KHK: variants seen among roughly 807,000 people sequenced by gnomAD.
KHK encodes the protein ketohexokinase.
Under a neutral mutation model 36.0 loss-of-function variants are expected in KHK, and 37 were observed. The ratio of observed to expected loss-of-function variants is 1.03; its 90% CI spans 0.79 to 1.35. The LOEUF (loss-of-function observed/expected upper bound fraction) is 1.35, where lower values mean the gene tolerates loss of function less well. Among genes scored for constraint, KHK ranks in the 40% most tolerant of loss-of-function variants. The probability of loss-of-function intolerance (pLI) is 0.00; values close to 1 mark genes in which losing one functional copy is unlikely to be tolerated. For missense variants in KHK, 395 were observed against 391.9 expected (o/e 1.01, Z -0.07); for synonymous variants, 161 against 162.8 (o/e 0.99, Z 0.08).
intron 4 of KHK, 123 bp from the exon 5 acceptor site, chr2:27,097,380 G>T: frequency 1.6e-6 from 2 of 1,239,598 alleles, no homozygotes. Context: ...TTTAGGATGG[G>T]GTTCTAGCCC....
At position 27,087,026 on chromosome 2, in the gene KHK, C is replaced by T. The variant is rs1669697895; in HGVS notation, c.-234C>T. On this transcript the variant is annotated 5_prime_UTR_variant, in exon 1 of 8. Coordinates refer to ENST00000260598, the MANE Select transcript of KHK (RefSeq NM_006488.3). Reference sequence around the variant, plus strand: ...GCTACGGGAAGACCGGGGACCAAGACCTCTGGGTTGGCTTTCCTAGACCCG... The same window carrying T: ...GCTACGGGAAGACCGGGGACCAAGATCTCTGGGTTGGCTTTCCTAGACCCG... 1 of 465,426 alleles carries T rather than the reference C, an allele frequency of 2.1e-6. No homozygotes were observed. The highest frequency in any genetic ancestry group is 3.5e-5 in the Admixed American group (1 of 28,246). 28.8% of individuals were successfully genotyped at this position (465,426 alleles called of 1,614,324 possible). A position where few individuals can be genotyped will look rare whatever the true frequency, so the allele number is the denominator to read the frequency against.
At position 27,100,053 on chromosome 2, in the gene KHK, C is replaced by A; in HGVS notation, c.*303C>A. ...CGATCCTCCCTCTTTGTGTCCATTCCCCAAATTAACCTCTCCGCCCAGGCC... is the reference window on the plus strand; with the variant it reads ...CGATCCTCCCTCTTTGTGTCCATTCACCAAATTAACCTCTCCGCCCAGGCC... On this transcript the variant is annotated 3_prime_UTR_variant, in exon 8 of 8. Transcript: ENST00000260598. 2 of 629,492 alleles carry A rather than the reference C, an allele frequency of 3.2e-6. No homozygotes were observed. Among genetic ancestry groups the A allele is most frequent in the East Asian group, 2.7e-5 (1 of 36,426 alleles). 39.0% of individuals were successfully genotyped at this position (629,492 alleles called of 1,614,324 possible).
chr2:27,090,700 G>T lies in KHK; in HGVS notation c.93-1632G>T, dbSNP rs191149469. Among the ~76,000 whole-genome samples the T allele has an allele frequency of 6.6e-5, 10 of 151,516 alleles. 1 individual carries two copies. Among genetic ancestry groups the T allele is most frequent in the African/African-American group, 1.7e-4 (7 of 41,432 alleles). On this transcript the variant is annotated intron_variant, in intron 1 of 7. Transcript: ENST00000260598. Reference sequence around the variant, plus strand: ...GAACTCCTGACCTCGTGATCCACCCGCCTCAGCCTCCCAAAGTGCTGAGAT... The same window carrying T: ...GAACTCCTGACCTCGTGATCCACCCTCCTCAGCCTCCCAAAGTGCTGAGAT...
In KHK at chr2:27,087,032, GGTT is replaced by G; in HGVS notation, c.-226_-224del. ...GGAAGACCGGGGACCAAGACCTCTG[GGTT>G]GGCTTTCCTAGACCCGCTCGGGTCT... On this transcript the variant is annotated 5_prime_UTR_variant, in exon 1 of 8. Coordinates refer to ENST00000260598, the MANE Select transcript of KHK (RefSeq NM_006488.3). The G allele has an allele frequency of 2.1e-6, 1 of 473,482 alleles. No homozygotes were observed. The highest frequency in any genetic ancestry group is 3.8e-6 in the Non-Finnish European group (1 of 262,546). 29.3% of individuals were successfully genotyped at this position (473,482 alleles called of 1,614,324 possible).
intron 1 of KHK, among the ~76,000 whole-genome samples, chr2:27,091,183 C>T (rs935382934): frequency 1.1e-4 from 17 of 152,396 alleles, no homozygotes; most frequent in Admixed American, 2.6e-4. Context: ...CGGGCTCATA[C>T]GCTCCCCCAA....
intron 2 of KHK, chr2:27,094,476 G>C: frequency 6.2e-7 from 1 of 1,613,420 alleles, no homozygotes; most frequent in African/African-American, 1.3e-5. Flanking sequence ...CGCCCTAGCA[G>C]TTTTGTCCTG....
intron 1 of KHK, among the ~76,000 whole-genome samples, chr2:27,090,452 C>CTTTTTTTTTTT (rs559420015): frequency 9.8e-4 from 108 of 110,094 alleles, no homozygotes; most frequent in Admixed American, 1.2e-3. Flanking sequence ...TTTTTTCTTT[C>CTTTTTTTTTTT]TTTTTTTTTT....
Position 27,100,688 on chromosome 2 carries a change from C to G in KHK, c.*938C>G, listed in dbSNP as rs1310289302. ...AATTTCTTCATCTGTCAAATGGAAC[C>G]AATTCTGCTTGGCTACAGAATTATT... is the stretch of plus-strand genomic sequence containing the variant. On this transcript the variant is annotated 3_prime_UTR_variant, in exon 8 of 8. Transcript: ENST00000260598. The G allele has an allele frequency of 1.8e-6, 2 of 1,086,358 alleles. No individual in the cohort carries two copies. Among genetic ancestry groups the G allele is most frequent in the East Asian group, 6.0e-5 (1 of 16,650 alleles). 67.3% of individuals were successfully genotyped at this position (1,086,358 alleles called of 1,614,324 possible).
Position 27,087,187 on chromosome 2 carries a change from C to G in KHK, c.-73C>G. On this transcript the variant is annotated 5_prime_UTR_variant, in exon 1 of 8. It adds an upstream start codon to the 5' untranslated region. Transcript: ENST00000260598. ...GGGCAGCTGGGAGCGGGGACACCAT[C>G]CTCCTGGATAAGAGGCAGAGGCCGG... The G allele has an allele frequency of 1.5e-6, 2 of 1,304,168 alleles. No individual in the cohort carries two copies. The highest frequency in any genetic ancestry group is 1.5e-5 in the African/African-American group (1 of 68,342). 80.8% of individuals were successfully genotyped at this position (1,304,168 alleles called of 1,614,324 possible). A position where few individuals can be genotyped will look rare whatever the true frequency, so the allele number is the denominator to read the frequency against.
chr2:27,096,569 A>T (rs1303060897), intron 3 of KHK, among the ~76,000 whole-genome samples, 160 bp from the exon 4 acceptor site: 1 of 152,204 alleles, frequency 6.6e-6, no homozygotes, highest in Non-Finnish European at 1.5e-5. Flanking sequence ...TAACAGGGAC[A>T]ACCCTGGAGC....
At chr2:27,091,489 T>C (rs1330911899) in intron 1 of KHK, among the ~76,000 whole-genome samples, 5 of 152,250 alleles carry the variant, frequency 3.3e-5, no homozygotes, top group African/African-American at 1.2e-4. Flanking sequence ...TTCGGTTTTT[T>C]CTCTTAATTC....
rs773283064 is a variant in KHK, at chr2:27,087,299, C to G, written c.40C>G (p.Leu14Val). The stretch of plus-strand genomic sequence containing the variant: ...GATCCTGTGCGTGGGGCTAGTGGTG[C>G]TGGACGTCATCAGCCTGGTGGACAA... ...KQILCVGLVVLDVISLVDKYP... is the reference protein window; with the variant it reads ...KQILCVGLVVVDVISLVDKYP... Residue 14 changes from leucine to valine, a missense_variant, in exon 1 of 8, where the codon CTG becomes GTG. By Grantham distance (32) the Leu-to-Val change is conservative (BLOSUM62 1). Transcript: ENST00000260598. The G allele has an allele frequency of 6.9e-6, 11 of 1,601,498 alleles. No individual in the cohort carries two copies. The highest frequency in any genetic ancestry group is 8.5e-6 in the Non-Finnish European group (10 of 1,173,750).
At chr2:27,095,758 C>T (rs1670296113) in intron 3 of KHK, among the ~76,000 whole-genome samples, 1 of 152,236 alleles carries the variant, frequency 6.6e-6, no homozygotes, top group Non-Finnish European at 1.5e-5. Context: ...GACTGCCGGA[C>T]CTGGAGGAGG....
At position 27,097,653 on chromosome 2, in the gene KHK, G is replaced by A. The variant is rs1670453129; in HGVS notation, c.564+4G>A. On this transcript the variant is annotated splice_donor_region_variant and intron_variant, in intron 5 of 7. Transcript: ENST00000260598. ...GCTGTTTGGCTACGGAGACGTGGTG[G>A]GTGCCCCATTCAGCCTCTCTTTGCC... The A allele has an allele frequency of 6.2e-7, 1 of 1,613,890 alleles. No homozygotes were observed. The highest frequency in any genetic ancestry group is 1.3e-5 in the African/African-American group (1 of 74,922).
Position 27,100,569 on chromosome 2 carries a change from A to G in KHK, c.*819A>G. The G allele has an allele frequency of 7.8e-7, 1 of 1,286,474 alleles. No individual in the cohort carries two copies. The highest frequency in any genetic ancestry group is 1.0e-6 in the Non-Finnish European group (1 of 984,886). The allele number at this position is 1,286,474 out of a possible 1,614,324, so 79.7% of individuals were successfully genotyped here. A position where few individuals can be genotyped will look rare whatever the true frequency, so the allele number is the denominator to read the frequency against. Reference sequence around the variant, plus strand: ...TTATAATGTAAAGAGCATATAATGTAAAGGGCTTTAGAGTGAGACAGACCT... The same window carrying G: ...TTATAATGTAAAGAGCATATAATGTGAAGGGCTTTAGAGTGAGACAGACCT... On this transcript the variant is annotated 3_prime_UTR_variant, in exon 8 of 8. Coordinates refer to ENST00000260598, the MANE Select transcript of KHK (RefSeq NM_006488.3).
In KHK at chr2:27,094,752, C is replaced by T. The variant is rs768550766; in HGVS notation, c.210-48C>T. 3.7e-6 allele frequency: 6 copies of T among 1,613,984 alleles called. No homozygotes were observed. The East Asian group carries it at 1.3e-4, about 36-fold the overall frequency. The stretch of plus-strand genomic sequence containing the variant: ...TGGAGGTCCAGACCACTTCCAGGCT[C>T]TAATCTGTGTCTCCTTGCCCTTTTC... On this transcript the variant is annotated intron_variant, in intron 2 of 7. Transcript: ENST00000260598.
chr2:27,099,107 G>A (rs1044253260), intron 5 of KHK, 89 bp from the exon 6 acceptor site: 13 of 1,073,048 alleles, frequency 1.2e-5, no homozygotes, highest in Admixed American at 1.7e-5. Flanking sequence ...CATGTTGGGG[G>A]AGTCGTGTTG....
intron 2 of KHK, 97 bp downstream of exon 2, chr2:27,092,545 TG>T: frequency 1.1e-6 from 1 of 912,336 alleles, no homozygotes. Context: ...GGATTAGAAA[TG>T]GGTTGTGTCC....
chr2:27,095,326 G>C (rs2148353234), intron 3 of KHK, among the ~76,000 whole-genome samples: 1 of 152,324 alleles, frequency 6.6e-6, no homozygotes, highest in African/African-American at 2.4e-5. Flanking sequence ...GGGCTGTGGG[G>C]GGGTGCCCAC....
Sources: allele counts gnomAD v4.1 joint callset (sites outside exome capture counted in the v4.1 genomes callset), GRCh38; gene constraint gnomAD v4.1.1; transcripts MANE v1.5; gene names NCBI Gene and HGNC (gene_info 2026-07-23, HGNC 2026-07-21).